FHIT: variants seen among roughly 807,000 people sequenced by gnomAD.
The protein encoded by FHIT is fragile histidine triad diadenosine triphosphatase.
In FHIT, 19 loss-of-function variants were observed where a neutral mutation model predicts 17.9. The ratio of observed to expected loss-of-function variants is 1.06; its 90% CI spans 0.74 to 1.56. The LOEUF (loss-of-function observed/expected upper bound fraction) is 1.56. Among genes scored for constraint, FHIT ranks in the 40% most tolerant of loss-of-function variants. The probability of loss-of-function intolerance (pLI) is 0.00; values close to 1 mark genes in which losing one functional copy is unlikely to be tolerated. For missense variants in FHIT, 248 were observed against 189.2 expected (o/e 1.31, Z -1.82); for synonymous variants, 81 against 69.7 (o/e 1.16, Z -0.81).
At chr3:59,904,539 T>C (rs1704494856) in intron 8 of FHIT, among the ~76,000 whole-genome samples, 1 of 152,190 alleles carries the variant, frequency 6.6e-6, no homozygotes, top group African/African-American at 2.4e-5. Flanking sequence ...AGGATTTTTC[T>C]TCTCAGTCAC....
intron 4 of FHIT, among the ~76,000 whole-genome samples, chr3:60,687,652 C>T (rs1287477956): frequency 1.3e-5 from 2 of 151,866 alleles, no homozygotes; most frequent in Non-Finnish European, 2.9e-5. Flanking sequence ...TTCTAGAGAA[C>T]AAAATTTAAT....
At chr3:59,998,007 G>T (rs1218667100) in intron 7 of FHIT, among the ~76,000 whole-genome samples, 1 of 152,168 alleles carries the variant, frequency 6.6e-6, no homozygotes, top group African/African-American at 2.4e-5. Flanking sequence ...AATTAGGACA[G>T]TTAGCAGTAA....
At chr3:59,863,216 T>C (rs1300242581) in intron 8 of FHIT, among the ~76,000 whole-genome samples, 1 of 152,188 alleles carries the variant, frequency 6.6e-6, no homozygotes, top group East Asian at 1.9e-4. Context: ...CACTCTACGA[T>C]AAAGTCTTAA....
chr3:60,937,567 C>CTTTTT (rs5849404), intron 3 of FHIT, among the ~76,000 whole-genome samples: 3 of 135,142 alleles, frequency 2.2e-5, no homozygotes, highest in Admixed American at 7.9e-5. Flanking sequence ...CTTTTCTTTT[C>CTTTTT]TTTTTTTTTT....
chr3:60,360,399 C>T (rs78345220), intron 5 of FHIT, among the ~76,000 whole-genome samples: 1 of 151,978 alleles, frequency 6.6e-6, no homozygotes, highest in South Asian at 2.1e-4. Context: ...GGCACTGGGG[C>T]CAATAATGCA....
At chr3:61,044,154 C>A (rs1271466679) in intron 2 of FHIT, among the ~76,000 whole-genome samples, 1 of 152,114 alleles carries the variant, frequency 6.6e-6, no homozygotes, top group Non-Finnish European at 1.5e-5. Flanking sequence ...TGAGAGAAGG[C>A]TTCAGACGAT....
At chr3:60,459,970 G>A (rs2032354051) in intron 5 of FHIT, among the ~76,000 whole-genome samples, 1 of 152,090 alleles carries the variant, frequency 6.6e-6, no homozygotes, top group South Asian at 2.1e-4. Flanking sequence ...CAGACAAGAT[G>A]TCCTTCTCTC....
At chr3:60,483,583 G>T (rs1189520774) in intron 5 of FHIT, among the ~76,000 whole-genome samples, 1 of 151,948 alleles carries the variant, frequency 6.6e-6, no homozygotes, top group East Asian at 1.9e-4. Context: ...AAAACCACAT[G>T]ATTATCTCAA....
chr3:60,947,667 A>T (rs1213474687), intron 3 of FHIT, among the ~76,000 whole-genome samples: 4 of 152,192 alleles, frequency 2.6e-5, no homozygotes, highest in Non-Finnish European at 5.9e-5. Context: ...ACACACAGAC[A>T]TCCAGAATGG....
intron 5 of FHIT, among the ~76,000 whole-genome samples, chr3:60,098,425 G>T (rs1351962726): frequency 6.6e-6 from 1 of 151,248 alleles, no homozygotes; most frequent in African/African-American, 2.4e-5. Flanking sequence ...GTGTGACATG[G>T]TATCTCATTG....
chr3:60,212,422 C>T (rs1235215634), intron 5 of FHIT, among the ~76,000 whole-genome samples: 1 of 152,144 alleles, frequency 6.6e-6, no homozygotes, highest in African/African-American at 2.4e-5. Flanking sequence ...TACATGACAG[C>T]AGACCTCAAA....
chr3:60,859,807 G>A (rs1306561272), intron 3 of FHIT, among the ~76,000 whole-genome samples: 5 of 137,356 alleles, frequency 3.6e-5, no homozygotes, highest in Admixed American at 2.4e-4. Flanking sequence ...CCTTTGGGAA[G>A]CTGAGGTGGG....
chr3:61,202,493 A>C (rs919327006), intron 1 of FHIT, among the ~76,000 whole-genome samples: 2 of 143,538 alleles, frequency 1.4e-5, no homozygotes, highest in African/African-American at 5.1e-5. Context: ...TTTGACATTA[A>C]AGTTTACTTT....
intron 2 of FHIT, among the ~76,000 whole-genome samples, chr3:61,048,222 C>T (rs2033887695): frequency 6.6e-6 from 1 of 152,100 alleles, no homozygotes; most frequent in Non-Finnish European, 1.5e-5. Context: ...TTGCAATCTA[C>T]CCATCTGACA....
intron 1 of FHIT, among the ~76,000 whole-genome samples, chr3:61,243,457 A>G (rs2040418327): frequency 6.6e-6 from 1 of 152,240 alleles, no homozygotes; most frequent in African/African-American, 2.4e-5. Flanking sequence ...ATGTAATCAA[A>G]TTAGCTTAAT....
intron 5 of FHIT, among the ~76,000 whole-genome samples, chr3:60,522,792 C>A (rs2035422246): frequency 6.6e-6 from 1 of 152,166 alleles, no homozygotes; most frequent in African/African-American, 2.4e-5. Flanking sequence ...ATTTTTACCT[C>A]AAGAATTGAT....
At chr3:61,219,461 C>T (rs2039778186) in intron 1 of FHIT, among the ~76,000 whole-genome samples, 1 of 152,038 alleles carries the variant, frequency 6.6e-6, no homozygotes, top group Non-Finnish European at 1.5e-5. Flanking sequence ...GGAATAGCCA[C>T]TCAAATTAGC....
At chr3:60,172,318 T>C (rs1701457365) in intron 5 of FHIT, among the ~76,000 whole-genome samples, 1 of 152,148 alleles carries the variant, frequency 6.6e-6, no homozygotes, top group South Asian at 2.1e-4. Context: ...CAGGCTGCAG[T>C]GCAATGGCAC....
chr3:61,021,477 T>C (rs1036051152), intron 3 of FHIT, among the ~76,000 whole-genome samples: 30 of 143,028 alleles, frequency 2.1e-4, no homozygotes, highest in African/African-American at 7.4e-4. Context: ...CGGGCGCCTG[T>C]AGTCCCAGCT....
Sources: allele counts gnomAD v4.1 joint callset (sites outside exome capture counted in the v4.1 genomes callset), GRCh38; gene constraint gnomAD v4.1.1; transcripts MANE v1.5; gene names NCBI Gene and HGNC (gene_info 2026-07-23, HGNC 2026-07-21).